ZNF385B: variants seen among roughly 807,000 people sequenced by gnomAD.
ZNF385B encodes the protein zinc finger protein 533.
A neutral mutation model predicts 39.2 loss-of-function variants in ZNF385B; 23 were observed. The observed-to-expected ratio is 0.59, with a 90% confidence interval of 0.42 to 0.83. The LOEUF is 0.83. ZNF385B is among the 40% of genes least tolerant of loss of function. ZNF385B has a pLI of 0.00. For synonymous variants in ZNF385B, 205 were observed against 222.6 expected (o/e 0.92, Z 0.70); for missense variants, 552 against 598.9 (o/e 0.92, Z 0.82).
intron 5 of ZNF385B, among the ~76,000 whole-genome samples, chr2:179,493,775 G>GTATACATATGTGTATA (rs1559338211): frequency 1.3e-5 from 1 of 77,792 alleles, no homozygotes; most frequent in African/African-American, 4.2e-5. Flanking sequence ...ATACATATAT[G>GTATACATATGTGTATA]TATATACACA....
chr2:179,519,455 T>G (rs1386407323), intron 4 of ZNF385B, among the ~76,000 whole-genome samples: 1 of 152,204 alleles, frequency 6.6e-6, no homozygotes, highest in African/African-American at 2.4e-5. Context: ...TCAAGTAAAG[T>G]TTTGATTTAT....
chr2:179,698,894 T>C (rs73973681), intron 3 of ZNF385B, among the ~76,000 whole-genome samples: 266 of 152,330 alleles, frequency 1.7e-3, no homozygotes, highest in African/African-American at 6.2e-3. Flanking sequence ...GATCATCTTC[T>C]GATCCCAGCT....
chr2:179,717,469 A>G (rs927401784), intron 3 of ZNF385B, among the ~76,000 whole-genome samples: 2 of 152,242 alleles, frequency 1.3e-5, no homozygotes, highest in African/African-American at 4.8e-5. Context: ...ACAGTGGCTC[A>G]TGCCTGTAAT....
intron 6 of ZNF385B, among the ~76,000 whole-genome samples, chr2:179,455,898 A>G (rs928296817): frequency 1.6e-5 from 2 of 126,674 alleles, no homozygotes; most frequent in African/African-American, 6.2e-5. Flanking sequence ...AAAAAAAAAA[A>G]AAATTATCCA....
At chr2:179,493,763 G>GTGTACATATGTGTA (rs1399662412) in intron 5 of ZNF385B, among the ~76,000 whole-genome samples, 1 of 85,358 alleles carries the variant, frequency 1.2e-5, no homozygotes, top group Non-Finnish European at 2.6e-5. Context: ...ATACATATAT[G>GTGTACATATGTGTA]TATACATATA....
chr2:179,723,405 T>G (rs1700812467), intron 3 of ZNF385B, among the ~76,000 whole-genome samples: 1 of 152,136 alleles, frequency 6.6e-6, no homozygotes, highest in African/African-American at 2.4e-5. Context: ...AACCAAAATG[T>G]GGATTATCAG....
chr2:179,589,123 C>G (rs190593081), intron 3 of ZNF385B, among the ~76,000 whole-genome samples: 2 of 152,254 alleles, frequency 1.3e-5, no homozygotes, highest in East Asian at 1.9e-4. Context: ...AATAATCATA[C>G]CCAAGCACCT....
chr2:179,442,101 A>G lies in ZNF385B; in HGVS notation c.*1149T>C, dbSNP rs1359611232. The G allele has an allele frequency of 6.6e-6, 1 of 152,664 alleles. No homozygotes were observed. The highest frequency in any genetic ancestry group is 2.4e-5 in the African/African-American group (1 of 41,464). The allele number at this position is 152,664 out of a possible 1,614,324, so 9.5% of individuals were successfully genotyped here. Reference sequence around the variant, plus strand: ...GTCCACTCTATTTTGTTGTTCTATGATAACTCTTGCCCCTGATATCACAAA... The same window carrying G: ...GTCCACTCTATTTTGTTGTTCTATGGTAACTCTTGCCCCTGATATCACAAA... On this transcript the variant is annotated 3_prime_UTR_variant, in exon 10 of 10. Transcript: ENST00000410066.
At chr2:179,446,468 TGG>T in intron 7 of ZNF385B, 55 bp downstream of exon 7, 1 of 1,556,660 alleles carries the variant, frequency 6.4e-7, no homozygotes. Flanking sequence ...GGTATTCTGA[TGG>T]GAAAAGTTGG....
chr2:179,473,303 G>A lies in ZNF385B; in HGVS notation c.715+9969C>T, dbSNP rs540194066. The stretch of plus-strand genomic sequence containing the variant: ...GGCAAGAAAACAAGTACATAAAGAG[G>A]AATGTAAGTGCAGGTCACTGTTGCA... On this transcript the variant is annotated intron_variant, in intron 6 of 9. Coordinates refer to ENST00000410066, the MANE Select transcript of ZNF385B (RefSeq NM_152520.6). Among the ~76,000 whole-genome samples, 6 of 152,276 alleles carry A rather than the reference G, an allele frequency of 3.9e-5. No individual in the cohort carries two copies. The East Asian group carries it at 1.2e-3, about 29-fold the overall frequency.
intron 3 of ZNF385B, among the ~76,000 whole-genome samples, chr2:179,724,473 C>T (rs1700881589): frequency 6.6e-6 from 1 of 152,092 alleles, no homozygotes; most frequent in East Asian, 1.9e-4. Flanking sequence ...GTAAATTCTT[C>T]CAAAGACATG....
chr2:179,581,372 T>C (rs1686497668), intron 3 of ZNF385B, among the ~76,000 whole-genome samples: 1 of 152,224 alleles, frequency 6.6e-6, no homozygotes, highest in African/African-American at 2.4e-5. Flanking sequence ...CAGCTTATTT[T>C]CCTCAGGCTG....
chr2:179,602,656 G>A (rs139787799), intron 3 of ZNF385B, among the ~76,000 whole-genome samples: 40 of 152,270 alleles, frequency 2.6e-4, no homozygotes, highest in African/African-American at 7.2e-4. Flanking sequence ...GCCTTCTACA[G>A]TGGTAAATAC....
At chr2:179,536,741 G>A (rs796465818) in intron 4 of ZNF385B, among the ~76,000 whole-genome samples, 13 of 152,100 alleles carry the variant, frequency 8.5e-5, no homozygotes, top group African/African-American at 3.1e-4. Flanking sequence ...ACAATGCCAG[G>A]GACATGTAGA....
intron 6 of ZNF385B, among the ~76,000 whole-genome samples, chr2:179,463,209 T>C (rs2051557888): frequency 6.6e-6 from 1 of 152,126 alleles, no homozygotes; most frequent in African/African-American, 2.4e-5. Flanking sequence ...AAATCTCTTA[T>C]GAGCTAATGT....
At chr2:179,538,401 T>C (rs11884072) in intron 4 of ZNF385B, among the ~76,000 whole-genome samples, 36,258 of 152,044 alleles carry the variant, frequency 0.24, 4,799 homozygotes, top group African/African-American at 0.35. Context: ...ACAACAACAC[T>C]TCATGGGAAG....
intron 3 of ZNF385B, among the ~76,000 whole-genome samples, chr2:179,615,594 A>G (rs1271403635): frequency 6.6e-6 from 1 of 152,246 alleles, no homozygotes; most frequent in African/African-American, 2.4e-5. Flanking sequence ...AACTAAATAC[A>G]GGATATTCTG....
At chr2:179,754,872 C>G (rs1252141579) in intron 3 of ZNF385B, among the ~76,000 whole-genome samples, 1 of 152,022 alleles carries the variant, frequency 6.6e-6, no homozygotes, top group East Asian at 1.9e-4. Flanking sequence ...TTGATCTTTT[C>G]AAAAAACCAG....
intron 1 of ZNF385B, among the ~76,000 whole-genome samples, chr2:179,787,727 G>A (rs533347015): frequency 6.6e-6 from 1 of 152,250 alleles, no homozygotes; most frequent in East Asian, 1.9e-4. Context: ...AAGCAGAACA[G>A]GGCTGTCCAG....
Sources: gnomAD v4.1 joint callset for allele counts (sites outside exome capture counted in the v4.1 genomes callset) on GRCh38, gnomAD v4.1.1 for gene constraint, MANE v1.5 for transcripts, NCBI Gene and HGNC (gene_info 2026-07-23, HGNC 2026-07-21) for gene names.